The following ANTXR1 variants were observed in gnomAD, a reference collection of about 807,000 sequenced individuals.
ANTXR1 encodes ANTXR cell adhesion molecule 1.
Under a neutral mutation model 78.1 loss-of-function variants are expected in ANTXR1, and 19 were observed. That is an observed-to-expected ratio of 0.24 (90% CI 0.17 to 0.36). The LOEUF is 0.36. Among genes scored for constraint, ANTXR1 ranks in the 10% least tolerant of loss-of-function variants. ANTXR1 has a pLI of 1.00. For missense variants in ANTXR1, 518 were observed against 718.6 expected, an observed-to-expected ratio of 0.72 and a Z score of 3.19; for synonymous variants, 273 against 260.5, an observed-to-expected ratio of 1.05 and a Z score of -0.46.
At chr2:69,194,797 G>A (rs904047197) in intron 17 of ANTXR1, among the ~76,000 whole-genome samples, 4 of 152,130 alleles carry the variant, frequency 2.6e-5, no homozygotes, top group African/African-American at 7.2e-5. Flanking sequence ...AGGTTGCAGT[G>A]AGCCGAGATC....
chr2:69,210,101 G>A (rs1675003148), intron 17 of ANTXR1, among the ~76,000 whole-genome samples: 1 of 152,174 alleles, frequency 6.6e-6, no homozygotes. Context: ...GGAGTCTGAA[G>A]TTTTTTGGAG....
At chr2:69,035,835 A>C (rs757301120) in intron 1 of ANTXR1, among the ~76,000 whole-genome samples, 1 of 152,130 alleles carries the variant, frequency 6.6e-6, no homozygotes, top group Non-Finnish European at 1.5e-5. Context: ...CATTAGCAAG[A>C]GTTTTGATGG....
rs2104461148 is a variant in ANTXR1, at chr2:69,180,558, T to A, written c.1090-1228T>A. 1.3e-5 allele frequency among the ~76,000 whole-genome samples: 2 copies of A among 152,332 alleles called. 1 individual carries two copies. Among genetic ancestry groups the A allele is most frequent in the Middle Eastern group, 6.8e-3 (2 of 294 alleles). On this transcript the variant is annotated intron_variant, in intron 14 of 17. Transcript: ENST00000303714. ...CATCTTAAAAAATATAAACACTAAC[T>A]TCTTGTCACTGAGCTAAGTTGCAGA... is the stretch of plus-strand genomic sequence containing the variant.
At chr2:69,067,782 C>T (rs1670444649) in intron 3 of ANTXR1, among the ~76,000 whole-genome samples, 1 of 152,208 alleles carries the variant, frequency 6.6e-6, no homozygotes, top group African/African-American at 2.4e-5. Flanking sequence ...GGCAGAGCTG[C>T]CCCCTGCCTG....
At chr2:69,085,947 C>T (rs182151150) in intron 8 of ANTXR1, among the ~76,000 whole-genome samples, 243 of 152,324 alleles carry the variant, frequency 1.6e-3, no homozygotes, top group African/African-American at 5.6e-3. Context: ...ATCCTTGACA[C>T]CAGCATACTT....
chr2:69,139,402 T>G (rs901978420), intron 12 of ANTXR1, among the ~76,000 whole-genome samples: 1 of 152,242 alleles, frequency 6.6e-6, no homozygotes, highest in Non-Finnish European at 1.5e-5. Flanking sequence ...GAATCAGTCC[T>G]GACTTTGTAA....
intron 12 of ANTXR1, among the ~76,000 whole-genome samples, chr2:69,139,006 A>G (rs527322612): frequency 6.6e-6 from 1 of 152,376 alleles, no homozygotes; most frequent in Non-Finnish European, 1.5e-5. Context: ...AATGCTCCTT[A>G]TGATGGAGCT....
At position 69,193,319 on chromosome 2, in the gene ANTXR1, A is replaced by AT; in HGVS notation, c.1354-13dup. ...CTGGTTTCATATGTAATCTTGGTGCATTTGTTTTATTTCAGGGAAAACTCG... is the reference window on the plus strand; with the variant it reads ...CTGGTTTCATATGTAATCTTGGTGCATTTTGTTTTATTTCAGGGAAAACTCG... On this transcript the variant is annotated splice_polypyrimidine_tract_variant and intron_variant, in intron 16 of 17. Coordinates refer to ENST00000303714, the MANE Select transcript of ANTXR1 (RefSeq NM_032208.3). 2 of 1,613,368 alleles carry AT rather than the reference A, an allele frequency of 1.2e-6. No homozygotes were observed. The highest frequency in any genetic ancestry group is 1.7e-6 in the Non-Finnish European group (2 of 1,179,440).
chr2:69,189,913 T>A (rs1191439891), intron 16 of ANTXR1, among the ~76,000 whole-genome samples: 1 of 152,146 alleles, frequency 6.6e-6, no homozygotes, highest in African/African-American at 2.4e-5. Context: ...CACATTACAA[T>A]TAAGATTTAA....
chr2:69,127,784 C>T (rs1672589741), intron 12 of ANTXR1, among the ~76,000 whole-genome samples: 1 of 151,964 alleles, frequency 6.6e-6, no homozygotes. Context: ...CAAGAATGTC[C>T]CAAGGGTTTT....
intron 17 of ANTXR1, among the ~76,000 whole-genome samples, chr2:69,201,582 G>A (rs1674773308): frequency 6.6e-6 from 1 of 152,238 alleles, no homozygotes; most frequent in Non-Finnish European, 1.5e-5. Context: ...CATAGCGGCA[G>A]TGAGAGAGGC....
At chr2:69,029,717 C>T (rs547768636) in intron 1 of ANTXR1, among the ~76,000 whole-genome samples, 7 of 151,874 alleles carry the variant, frequency 4.6e-5, no homozygotes, top group Middle Eastern at 3.4e-3. Context: ...TAAAATGATA[C>T]ACATTTTAAA....
chr2:69,044,707 T>C (rs1490132899), intron 2 of ANTXR1, 35 bp from the exon 3 acceptor site: 37 of 1,608,050 alleles, frequency 2.3e-5, no homozygotes, highest in Non-Finnish European at 3.0e-5. Flanking sequence ...CGCAGTCTTA[T>C]TGTCTGTCCT....
chr2:69,162,565 T>A (rs944342588), intron 13 of ANTXR1, among the ~76,000 whole-genome samples: 2 of 152,144 alleles, frequency 1.3e-5, no homozygotes, highest in African/African-American at 4.8e-5. Flanking sequence ...GGTAAATGCC[T>A]ACTACACATG....
chr2:69,093,701 G>T (rs1476166813), intron 9 of ANTXR1, among the ~76,000 whole-genome samples: 3 of 152,240 alleles, frequency 2.0e-5, no homozygotes, highest in South Asian at 4.1e-4. Context: ...TTATTCCAAG[G>T]TTATTTGGTA....
chr2:69,231,221 T>C lies in ANTXR1; in HGVS notation c.1435-14004T>C, dbSNP rs72903158. ...CTAATCTATAACCTACATTTCAAAA[T>C]GAACACTGCAGGATAATATCCAGAG... On this transcript the variant is annotated intron_variant, in intron 17 of 17. Coordinates refer to ENST00000303714, the MANE Select transcript of ANTXR1 (RefSeq NM_032208.3). 7.9e-3 allele frequency among the ~76,000 whole-genome samples: 1,202 copies of C among 152,270 alleles called. 18 individuals carry two copies. Among genetic ancestry groups the C allele is most frequent in the African/African-American group, 0.028 (1,146 of 41,550 alleles).
At chr2:69,023,488 GGTGATA>G (rs907142577) in intron 1 of ANTXR1, among the ~76,000 whole-genome samples, 4 of 147,902 alleles carry the variant, frequency 2.7e-5, no homozygotes, top group African/African-American at 1.0e-4. Context: ...TGATGGTGAT[GGTGATA>G]TGGTGGTGGT....
At chr2:69,102,668 T>G (rs1037983089) in intron 9 of ANTXR1, among the ~76,000 whole-genome samples, 174 bp from the exon 10 acceptor site, 3 of 152,228 alleles carry the variant, frequency 2.0e-5, no homozygotes, top group Non-Finnish European at 4.4e-5. Context: ...CTAGTGAGGA[T>G]GCACTGGTAA....
chr2:69,189,795 C>T (rs994634313), intron 16 of ANTXR1, among the ~76,000 whole-genome samples: 1 of 152,120 alleles, frequency 6.6e-6, no homozygotes, highest in East Asian at 1.9e-4. Context: ...ATTGGTGGTG[C>T]CATGAATCAA....
Sources: gnomAD v4.1 joint callset for allele counts (sites outside exome capture counted in the v4.1 genomes callset) on GRCh38, gnomAD v4.1.1 for gene constraint, MANE v1.5 for transcripts, NCBI Gene and HGNC (gene_info 2026-07-23, HGNC 2026-07-21) for gene names.